SMOC2: variants seen among roughly 807,000 people sequenced by gnomAD.
The protein encoded by SMOC2 is SPARC related modular calcium binding 2, also known as SPARC-related modular calcium-binding protein 2.
Under a neutral mutation model 61.4 loss-of-function variants are expected in SMOC2, and 39 were observed. The ratio of observed to expected loss-of-function variants is 0.64; its 90% CI spans 0.49 to 0.83. The LOEUF (loss-of-function observed/expected upper bound fraction) is 0.83. Among genes scored for constraint, SMOC2 ranks in the 40% least tolerant of loss-of-function variants. The pLI is 0.00. For missense variants in SMOC2, 556 were observed against 592.9 expected (o/e 0.94, Z 0.65); for synonymous variants, 247 against 239.9 (o/e 1.03, Z -0.27).
chr6:168,466,997 C>T (rs550099799), intron 1 of SMOC2, among the ~76,000 whole-genome samples: 1 of 152,172 alleles, frequency 6.6e-6, no homozygotes, highest in African/African-American at 2.4e-5. Flanking sequence ...CCACATCCTG[C>T]GGTCGGGCGA....
intron 1 of SMOC2, among the ~76,000 whole-genome samples, chr6:168,456,876 T>A (rs990226703): frequency 3.3e-5 from 5 of 152,166 alleles, no homozygotes; most frequent in Non-Finnish European, 7.4e-5. Context: ...TGGGTCGTCA[T>A]GTCCACCGAG....
chr6:168,449,933 C>T (rs2114992312), intron 1 of SMOC2, among the ~76,000 whole-genome samples: 1 of 152,268 alleles, frequency 6.6e-6, no homozygotes, highest in East Asian at 1.9e-4. Flanking sequence ...CTATCAAATC[C>T]CATTCCGACC....
intron 9 of SMOC2, among the ~76,000 whole-genome samples, chr6:168,636,909 ATCCCTCC>A (rs1180680770): frequency 7.1e-5 from 2 of 27,982 alleles, no homozygotes; most frequent in African/African-American, 3.4e-4. Context: ...TCCTGCCCGC[ATCCCTCC>A]TCCCTCCTCC....
intron 7 of SMOC2, among the ~76,000 whole-genome samples, chr6:168,573,001 T>G (rs1272760217): frequency 2.5e-5 from 2 of 78,484 alleles, no homozygotes; most frequent in Non-Finnish European, 2.4e-5. Context: ...CCCCGGGTGC[T>G]GGGACCAGGG....
intron 1 of SMOC2, among the ~76,000 whole-genome samples, chr6:168,500,960 T>C (rs1202505870): frequency 6.6e-6 from 1 of 152,078 alleles, no homozygotes; most frequent in Non-Finnish European, 1.5e-5. Flanking sequence ...ATGACAAGAC[T>C]CTCCGACAGA....
At chr6:168,622,035 G>A (rs547060254) in intron 9 of SMOC2, among the ~76,000 whole-genome samples, 7 of 151,866 alleles carry the variant, frequency 4.6e-5, no homozygotes, top group Non-Finnish European at 8.8e-5. Flanking sequence ...GCATGATCTC[G>A]GCTCACTGCA....
Position 168,453,131 on chromosome 6 carries a change from T to C in SMOC2, c.84+11677T>C, listed in dbSNP as rs1781501781. On this transcript the variant is annotated intron_variant, in intron 1 of 12. Transcript: ENST00000356284. This position sits in a 1 kb window ranked among gnomAD's most constrained non-coding sequence, Gnocchi z 4.4. Reference sequence around the variant, plus strand: ...ATCTGCCCTGAGGAATTCAGGGCAGTGTGGCTTGAATCTGCTGTCCGACGC... The same window carrying C: ...ATCTGCCCTGAGGAATTCAGGGCAGCGTGGCTTGAATCTGCTGTCCGACGC... Among the ~76,000 whole-genome samples the C allele has an allele frequency of 1.3e-5, 2 of 151,224 alleles. No individual in the cohort carries two copies. Among genetic ancestry groups the C allele is most frequent in the African/African-American group, 2.4e-5 (1 of 41,056 alleles).
intron 1 of SMOC2, among the ~76,000 whole-genome samples, chr6:168,488,746 G>T (rs1369212525): frequency 6.6e-6 from 1 of 151,178 alleles, no homozygotes; most frequent in Non-Finnish European, 1.5e-5. Context: ...GGTCCCCTTG[G>T]ATCACACTGT....
chr6:168,521,653 C>T (rs771539770), intron 2 of SMOC2, among the ~76,000 whole-genome samples: 15 of 152,248 alleles, frequency 9.9e-5, no homozygotes, highest in African/African-American at 1.4e-4. Flanking sequence ...TTCTGGGAGG[C>T]GGGAGGATTG....
chr6:168,458,182 T>C (rs1039947764), intron 1 of SMOC2, among the ~76,000 whole-genome samples: 1 of 152,194 alleles, frequency 6.6e-6, no homozygotes. Flanking sequence ...GCCATCAACG[T>C]ACCGGCTCAT....
intron 2 of SMOC2, among the ~76,000 whole-genome samples, chr6:168,518,323 ATGTGTGTATGCCTGAGGTGTG>A (rs1562566142): frequency 6.6e-6 from 1 of 151,852 alleles, no homozygotes; most frequent in Non-Finnish European, 1.5e-5. Flanking sequence ...TTTCTGTTGC[ATGTGTGTATGCCTGAGGTGTG>A]TGTGCGTGAG....
chr6:168,540,734 G>C (rs1225357426), intron 4 of SMOC2, among the ~76,000 whole-genome samples: 1 of 152,188 alleles, frequency 6.6e-6, no homozygotes, highest in Non-Finnish European at 1.5e-5. Context: ...GTCTAGACCA[G>C]AGAACGCAGC....
chr6:168,664,621 CT>C, intron 12 of SMOC2: 1 of 430,722 alleles, frequency 2.3e-6, no homozygotes, highest in Non-Finnish European at 4.8e-6. Context: ...ATTTCTGCTT[CT>C]TTTGGGGTCC....
chr6:168,444,621 G>A (rs935827335), intron 1 of SMOC2, among the ~76,000 whole-genome samples: 2 of 152,146 alleles, frequency 1.3e-5, no homozygotes, highest in Admixed American at 6.5e-5. Context: ...TAATTTGGAT[G>A]CAGGTCAATT....
chr6:168,514,450 G>A (rs1187161214), intron 2 of SMOC2, among the ~76,000 whole-genome samples: 1 of 152,244 alleles, frequency 6.6e-6, no homozygotes, highest in Admixed American at 6.5e-5. Context: ...AAGTTGGCGT[G>A]GAGCCAGGTA....
intron 8 of SMOC2, 112 bp downstream of exon 8, chr6:168,599,116 ACACTCACACT>A (rs757211642): frequency 2.2e-6 from 2 of 897,542 alleles, no homozygotes; most frequent in Non-Finnish European, 3.3e-6. Flanking sequence ...AGTCACACAC[ACACTCACACT>A]CACACACACT....
intron 1 of SMOC2, among the ~76,000 whole-genome samples, chr6:168,456,485 C>T (rs1005739088): frequency 1.3e-5 from 2 of 152,164 alleles, no homozygotes; most frequent in Non-Finnish European, 2.9e-5. Flanking sequence ...TTCGGTGCTG[C>T]GAGACCCTCA....
chr6:168,636,992 C>T (rs1020694002), intron 9 of SMOC2, among the ~76,000 whole-genome samples: 2 of 149,816 alleles, frequency 1.3e-5, no homozygotes, highest in Non-Finnish European at 3.0e-5. Context: ...TCCCTCCTCC[C>T]GCCTCCCTCA....
At chr6:168,567,763 A>G (rs998976219) in intron 7 of SMOC2, among the ~76,000 whole-genome samples, 7 of 152,210 alleles carry the variant, frequency 4.6e-5, no homozygotes, top group African/African-American at 1.4e-4. Flanking sequence ...CGAAGACCAG[A>G]TGGTGTGTGT....
Sources: allele counts gnomAD v4.1 joint callset (sites outside exome capture counted in the v4.1 genomes callset), GRCh38; gene constraint gnomAD v4.1.1; non-coding constraint Gnocchi (gnomAD v3.1); transcripts MANE v1.5; gene names NCBI Gene and HGNC (gene_info 2026-07-23, HGNC 2026-07-21).